The following ZNF10 variants were observed in gnomAD, a reference collection of about 807,000 sequenced individuals.
ZNF10 encodes zinc finger protein 10, also known as zinc finger protein 10 (KOX 1).
In ZNF10, 8 loss-of-function variants were observed where a neutral mutation model predicts 12.2. The ratio of observed to expected loss-of-function variants is 0.66; its 90% CI spans 0.39 to 1.18. The LOEUF is 1.18. ZNF10 is among the 50% of genes most tolerant of loss of function. The pLI is 0.01. For missense variants in ZNF10, 603 were observed against 678.9 expected (o/e 0.89, Z 1.24); for synonymous variants, 229 against 228.2 (o/e 1.00, Z -0.03).
intron 2 of ZNF10, among the ~76,000 whole-genome samples, chr12:133,145,538 G>A (rs753435941): frequency 1.3e-5 from 2 of 152,106 alleles, no homozygotes; most frequent in African/African-American, 4.8e-5. Flanking sequence ...GGCCAGGTGC[G>A]GTGGCTCATA....
intron 1 of ZNF10, among the ~76,000 whole-genome samples, chr12:133,134,096 C>G (rs914560458): frequency 6.2e-5 from 9 of 145,156 alleles, no homozygotes; most frequent in East Asian, 2.0e-4. Flanking sequence ...GTCAGGAGTT[C>G]GAGACCAGCC....
intron 1 of ZNF10, among the ~76,000 whole-genome samples, chr12:133,136,818 G>T (rs576475468): frequency 6.6e-6 from 1 of 152,106 alleles, no homozygotes; most frequent in Non-Finnish European, 1.5e-5. Context: ...CTCCCGAAAA[G>T]CTTGTCCTGT....
intron 4 of ZNF10, 141 bp from the exon 5 acceptor site, chr12:133,155,362 C>A: frequency 4.2e-6 from 4 of 942,824 alleles, no homozygotes; most frequent in Non-Finnish European, 6.1e-6. Context: ...TCCATTCTTC[C>A]TTTTCTCATT....
At chr12:133,150,447 G>A (rs1956000179) in intron 2 of ZNF10, among the ~76,000 whole-genome samples, 1 of 152,102 alleles carries the variant, frequency 6.6e-6, no homozygotes, top group Non-Finnish European at 1.5e-5. Flanking sequence ...ACTCAAATAG[G>A]TTTTTCTCTA....
rs536827092 is a variant in ZNF10 at position 133,131,497 on chromosome 12, A to G, written c.-60+743A>G. 4.3e-3 allele frequency among the ~76,000 whole-genome samples: 662 copies of G among 152,264 alleles called. 11 individuals are homozygous for G. The South Asian group carries it at 0.056, about 13-fold the overall frequency. Reference sequence around the variant, plus strand: ...ACTGTTAATTAAAAAAAAAAAAGTAAAAGGGAAGGCAGGATGTCACCCAGA... The same window carrying G: ...ACTGTTAATTAAAAAAAAAAAAGTAGAAGGGAAGGCAGGATGTCACCCAGA... On this transcript the variant is annotated intron_variant, in intron 1 of 4. Transcript: ENST00000248211.
At position 133,156,602 on chromosome 12, in the gene ZNF10, A is replaced by G. The variant is rs761707705; in HGVS notation, c.1356A>G (p.Gln452=). 5 of 1,613,794 alleles carry G rather than the reference A, an allele frequency of 3.1e-6. No homozygotes were observed. In the African/African-American group the frequency reaches 4.0e-5, roughly 13 times the overall value. The change falls in exon 5 of 5, where the codon CAA becomes CAG. Residue 452 remains glutamine (Q), a synonymous_variant. Coordinates refer to ENST00000248211, the MANE Select transcript of ZNF10 (RefSeq NM_015394.5). The part of the protein sequence containing the change: ...FSRSSHLYSH[Q]RTHTGEKPYE... ...GAAGCTCTCACCTTTATTCACATCAAAGAACCCACACTGGAGAGAAACCAT... is the reference window on the plus strand; with the variant it reads ...GAAGCTCTCACCTTTATTCACATCAGAGAACCCACACTGGAGAGAAACCAT...
rs966213945 is a variant in ZNF10, at chr12:133,158,033, T to C, written c.*1065T>C. 6.6e-6 allele frequency: 1 copy of C among 152,190 alleles called. No individual in the cohort carries two copies. The highest frequency in any genetic ancestry group is 1.5e-5 in the Non-Finnish European group (1 of 68,048). 9.4% of individuals were successfully genotyped at this position (152,190 alleles called of 1,614,324 possible). A position where few individuals can be genotyped will look rare whatever the true frequency, so the allele number is the denominator to read the frequency against. ...GTCTTTTATCTTTATAAAGAAAGAT[T>C]AGTGTTTAAGAGCGTAGACTTGAGC... On this transcript the variant is annotated 3_prime_UTR_variant, in exon 5 of 5. Transcript: ENST00000248211.
chr12:133,146,891 A>G (rs1955979658), intron 2 of ZNF10, among the ~76,000 whole-genome samples: 1 of 152,018 alleles, frequency 6.6e-6, no homozygotes. Context: ...CCATGATCCT[A>G]GAATTCCCTG....
intron 3 of ZNF10, 87 bp from the exon 4 acceptor site, chr12:133,151,722 G>A: frequency 1.1e-6 from 1 of 932,962 alleles, no homozygotes; most frequent in Non-Finnish European, 1.7e-6. Context: ...GAGGGTTGGT[G>A]GTCAGGTTGA....
chr12:133,136,734 A>G (rs1197679472), intron 1 of ZNF10, among the ~76,000 whole-genome samples: 1 of 152,144 alleles, frequency 6.6e-6, no homozygotes, highest in East Asian at 1.9e-4. Flanking sequence ...TCCTTTATTC[A>G]TGTGTTTACT....
intron 1 of ZNF10, among the ~76,000 whole-genome samples, chr12:133,133,133 G>C (rs1479023725): frequency 6.6e-6 from 1 of 152,146 alleles, no homozygotes; most frequent in African/African-American, 2.4e-5. Context: ...GCTGAGTTTT[G>C]ACAGATGCAG....
At chr12:133,140,691 A>AT (rs959819888) in intron 1 of ZNF10, among the ~76,000 whole-genome samples, 6 of 152,050 alleles carry the variant, frequency 3.9e-5, no homozygotes, top group Non-Finnish European at 7.4e-5. Context: ...TTAAATTTAG[A>AT]TTTTTTTAAT....
intron 1 of ZNF10, among the ~76,000 whole-genome samples, chr12:133,132,242 A>G (rs1290181573): frequency 6.6e-6 from 1 of 151,728 alleles, no homozygotes; most frequent in Non-Finnish European, 1.5e-5. Context: ...TTTATAGATT[A>G]TATTCAATTG....
Position 133,155,787 on chromosome 12 carries a change from C to T in ZNF10, c.541C>T (p.Leu181=), listed in dbSNP as rs760068058. ...GNCLLPAQLV[L]REYFHKRDSH... ...CTGTCTTCTTCCTGCTCAGCTAGTA[C>T]TGAGAGAGTATTTCCATAAACGTGA... The change falls in exon 5 of 5, where the codon CTG becomes TTG. Residue 181 remains leucine (L), a synonymous_variant. Coordinates refer to ENST00000248211, the MANE Select transcript of ZNF10 (RefSeq NM_015394.5). 2.5e-6 allele frequency: 4 copies of T among 1,613,828 alleles called. No homozygotes were observed. Among genetic ancestry groups the T allele is most frequent in the African/African-American group, 1.3e-5 (1 of 75,048 alleles).
intron 2 of ZNF10, among the ~76,000 whole-genome samples, chr12:133,146,845 CA>C (rs1167335541): frequency 6.2e-5 from 9 of 145,026 alleles, no homozygotes; most frequent in South Asian, 4.4e-4. Context: ...AACTCCATCT[CA>C]AAAAAAAAAC....
intron 1 of ZNF10, chr12:133,144,123 A>C (rs1479743170): frequency 3.1e-5 from 5 of 163,114 alleles, no homozygotes; most frequent in Non-Finnish European, 6.6e-5. Flanking sequence ...CTATTTGATT[A>C]GGTCAGGTTT....
At chr12:133,144,566 T>A in intron 2 of ZNF10, 41 bp downstream of exon 2, 1 of 1,597,804 alleles carries the variant, frequency 6.3e-7, no homozygotes, top group Non-Finnish European at 8.6e-7. Flanking sequence ...TGGGAATTCC[T>A]TTTTGCTTTA....
chr12:133,144,397 A>G, intron 1 of ZNF10, 37 bp from the exon 2 acceptor site: 1 of 1,370,778 alleles, frequency 7.3e-7, no homozygotes. Flanking sequence ...CCTCCCAGTC[A>G]TAGCAAACTT....
At position 133,134,414 on chromosome 12, in the gene ZNF10, GAGGAAGGGTC is replaced by G. The variant is rs575594177; in HGVS notation, c.-60+3665_-60+3674del. Among the ~76,000 whole-genome samples, 10 of 152,276 alleles carry G rather than the reference GAGGAAGGGTC, an allele frequency of 6.6e-5. 1 individual carries two copies. The South Asian group carries it at 2.1e-3, about 32-fold the overall frequency. ...TGTATCATTGCTGGCCTTGCAGGTG[GAGGAAGGGTC>G]AGGAGCCAAGGAGTGTAGATGGTCC... On this transcript the variant is annotated intron_variant, in intron 1 of 4. Coordinates refer to ENST00000248211, the MANE Select transcript of ZNF10 (RefSeq NM_015394.5).
Sources: gnomAD v4.1 joint callset for allele counts (sites outside exome capture counted in the v4.1 genomes callset) on GRCh38, gnomAD v4.1.1 for gene constraint, MANE v1.5 for transcripts, NCBI Gene and HGNC (gene_info 2026-07-23, HGNC 2026-07-21) for gene names.